The following GRIN3A variants were observed in gnomAD, a reference collection of about 807,000 sequenced individuals.
GRIN3A encodes glutamate ionotropic receptor NMDA type subunit 3A, also known as glutamate receptor ionotropic, NMDA 3A.
GRIN3A carries 47 observed loss-of-function variants against 92.4 expected under a neutral mutation model. That is an observed-to-expected ratio of 0.51 (90% CI 0.40 to 0.65). The LOEUF (loss-of-function observed/expected upper bound fraction) is 0.65, where lower values mean the gene tolerates loss of function less well. Among genes scored for constraint, GRIN3A ranks in the 30% least tolerant of loss-of-function variants. The pLI, the probability that GRIN3A is intolerant of heterozygous loss-of-function variation, is 0.00. For synonymous variants in GRIN3A, 527 were observed against 540.6 expected, an observed-to-expected ratio of 0.97 and a Z score of 0.35; for missense variants, 1,324 against 1,393.1, an observed-to-expected ratio of 0.95 and a Z score of 0.79.
intron 6 of GRIN3A, among the ~76,000 whole-genome samples, chr9:101,590,627 G>A (rs938497674): frequency 1.2e-4 from 18 of 151,942 alleles, no homozygotes; most frequent in Admixed American, 1.3e-4. Context: ...TGATCTGCCC[G>A]CCTCGGCCTC....
intron 8 of GRIN3A, 149 bp from the exon 9 acceptor site, chr9:101,573,662 G>A: frequency 1.5e-6 from 1 of 688,600 alleles, no homozygotes; most frequent in Non-Finnish European, 2.6e-6. Context: ...CTACCTGCTA[G>A]GGTGTCATGG....
rs745931168 is a variant in GRIN3A, at chr9:101,686,712, G to A, written c.1188C>T (p.Val396=). Residue 396 remains valine (V), a synonymous_variant, in exon 2 of 9, where the codon GTC becomes GTT. Coordinates refer to ENST00000361820, the MANE Select transcript of GRIN3A (RefSeq NM_133445.3). The part of the protein sequence containing the change: ...EHYVQDAMEL[V]ARAVATATMI... ...TGGTGGCTGTGGCTACAGCTCTTGC[G>A]ACCAGCTCCATAGCATCTTGTACGT... 8.7e-6 allele frequency: 14 copies of A among 1,614,032 alleles called. No homozygotes were observed. The highest frequency in any genetic ancestry group is 1.6e-4 in the Middle Eastern group (1 of 6,084).
intron 1 of GRIN3A, among the ~76,000 whole-genome samples, chr9:101,709,993 T>C (rs1333213541): frequency 6.6e-6 from 1 of 152,172 alleles, no homozygotes; most frequent in East Asian, 1.9e-4. Context: ...CTACATAAAA[T>C]TGGTCTCTTT....
At position 101,613,511 on chromosome 9, in the gene GRIN3A, G is replaced by C. The variant is rs1301654928; in HGVS notation, c.2631C>G (p.Leu877=). The C allele has an allele frequency of 1.2e-6, 2 of 1,614,176 alleles. No homozygotes were observed. Among genetic ancestry groups the C allele is most frequent in the Non-Finnish European group, 1.7e-6 (2 of 1,180,024 alleles). The change falls in exon 6 of 9, where the codon CTC becomes CTG. Residue 877 remains leucine (L), a synonymous_variant. Coordinates refer to ENST00000361820, the MANE Select transcript of GRIN3A (RefSeq NM_133445.3). ...TGGCGGTCAATGGAGAGTTGGGTGG[G>C]AGGCCAATGCCGTATCCTAGAAGAA... ...PFAIEGYGIG[L]PPNSPLTANI... is the part of the protein sequence containing the mutation.
intron 7 of GRIN3A, 88 bp from the exon 8 acceptor site, chr9:101,577,932 G>T: frequency 1.1e-6 from 1 of 941,106 alleles, no homozygotes; most frequent in Non-Finnish European, 1.7e-6. Context: ...AACAGTATAT[G>T]TAGTCGTTAC....
chr9:101,595,044 C>T (rs1302929070), intron 6 of GRIN3A: 22 of 1,177,068 alleles, frequency 1.9e-5, no homozygotes, highest in East Asian at 1.5e-4. Flanking sequence ...CTCCCGGGGG[C>T]CCTGGTCGAG....
chr9:101,646,765 G>C (rs937400075), intron 3 of GRIN3A, among the ~76,000 whole-genome samples: 1 of 150,528 alleles, frequency 6.6e-6, no homozygotes, highest in Non-Finnish European at 1.5e-5. Flanking sequence ...TATTCTTTTG[G>C]TAGCTACTGC....
intron 2 of GRIN3A, among the ~76,000 whole-genome samples, chr9:101,683,706 T>G (rs1300286726): frequency 1.3e-5 from 2 of 152,162 alleles, no homozygotes; most frequent in East Asian, 3.9e-4. Flanking sequence ...ATATTGTCAC[T>G]GACCCGGTGT....
rs766365541 is a variant in GRIN3A, at chr9:101,573,373, G to A, written c.3149C>T (p.Pro1050Leu). The A allele has an allele frequency of 6.2e-7, 1 of 1,614,020 alleles. No homozygotes were observed. The highest frequency in any genetic ancestry group is 8.5e-7 in the Non-Finnish European group (1 of 1,179,964). Reference sequence around the variant, plus strand: ...CAAGGCAGGGAGCTCTCTTCTCCTTGGAGGGAGGGGGATGTCCTGGTGGAT... The same window carrying A: ...CAAGGCAGGGAGCTCTCTTCTCCTTAGAGGGAGGGGGATGTCCTGGTGGAT... ...IRIHQDIPLP[P>L]RRRELPALRT... The change falls in exon 9 of 9, where the codon CCA becomes CTA. Residue 1050 changes from proline (P) to leucine (L), a missense_variant. Transcript: ENST00000361820.
chr9:101,694,455 C>A (rs1280177119), intron 1 of GRIN3A, among the ~76,000 whole-genome samples: 1 of 152,128 alleles, frequency 6.6e-6, no homozygotes, highest in African/African-American at 2.4e-5. Flanking sequence ...GCTACCTGCA[C>A]CAAGCTTCTA....
chr9:101,726,432 C>A (rs1046464864), intron 1 of GRIN3A, among the ~76,000 whole-genome samples: 4 of 152,130 alleles, frequency 2.6e-5, no homozygotes, highest in South Asian at 4.1e-4. Context: ...ACCCAAACAC[C>A]TTCTGGTGGT....
rs571745646 is a variant in GRIN3A at position 101,617,847 on chromosome 9, T to C, written c.2615-4320A>G. Among the ~76,000 whole-genome samples, 5 of 139,370 alleles carry C rather than the reference T, an allele frequency of 3.6e-5. No individual in the cohort carries two copies. In the South Asian group the frequency reaches 1.3e-3, roughly 35 times the overall value. The allele number at this position is 139,370 out of a possible 152,430, so 91.4% of individuals were successfully genotyped here. A position where few individuals can be genotyped will look rare whatever the true frequency, so the allele number is the denominator to read the frequency against. On this transcript the variant is annotated intron_variant, in intron 5 of 8. Coordinates refer to ENST00000361820, the MANE Select transcript of GRIN3A (RefSeq NM_133445.3). ...AGAGTGTGATGTTCCCCTTCCTGTG[T>C]CCATGTGATCTCATTGTTCAATTCC... is the stretch of plus-strand genomic sequence containing the variant.
At chr9:101,699,025 T>A (rs1165704918) in intron 1 of GRIN3A, among the ~76,000 whole-genome samples, 1 of 152,224 alleles carries the variant, frequency 6.6e-6, no homozygotes, top group Non-Finnish European at 1.5e-5. Flanking sequence ...TTTAGTTTAA[T>A]GTAACTCTAA....
intron 1 of GRIN3A, among the ~76,000 whole-genome samples, chr9:101,691,949 T>C (rs1474526209): frequency 6.6e-6 from 1 of 152,182 alleles, no homozygotes; most frequent in African/African-American, 2.4e-5. Context: ...TCCTAACTTA[T>C]GGATTCATTT....
intron 1 of GRIN3A, among the ~76,000 whole-genome samples, chr9:101,697,089 T>G (rs928896580): frequency 1.3e-5 from 2 of 152,196 alleles, no homozygotes; most frequent in African/African-American, 4.8e-5. Context: ...TTCAAACACT[T>G]TTTATTGATT....
At position 101,570,921 on chromosome 9, in the gene GRIN3A, TC is replaced by T. The variant is rs2118769463; in HGVS notation, c.*2252del. 6.5e-6 allele frequency: 1 copy of T among 152,676 alleles called. No homozygotes were observed. Among genetic ancestry groups the T allele is most frequent in the South Asian group, 2.1e-4 (1 of 4,820 alleles). 9.5% of individuals were successfully genotyped at this position (152,676 alleles called of 1,614,324 possible). A position where few individuals can be genotyped will look rare whatever the true frequency, so the allele number is the denominator to read the frequency against. ...GAATATGAGCTGAGTTACAAAAATG[TC>T]CATGTACATTAGGAGCATGGCTGTA... On this transcript the variant is annotated 3_prime_UTR_variant, in exon 9 of 9. Coordinates refer to ENST00000361820, the MANE Select transcript of GRIN3A (RefSeq NM_133445.3).
At chr9:101,597,397 A>C (rs1218838773) in intron 6 of GRIN3A, among the ~76,000 whole-genome samples, 1 of 152,220 alleles carries the variant, frequency 6.6e-6, no homozygotes, top group Non-Finnish European at 1.5e-5. Flanking sequence ...AATGCTGAGC[A>C]GACAGAACAA....
At chr9:101,705,924 A>G (rs1829811354) in intron 1 of GRIN3A, among the ~76,000 whole-genome samples, 1 of 152,190 alleles carries the variant, frequency 6.6e-6, no homozygotes, top group African/African-American at 2.4e-5. Flanking sequence ...AGAAGCAAAG[A>G]TGAAATTCAA....
At chr9:101,615,386 C>CT (rs547717146) in intron 5 of GRIN3A, among the ~76,000 whole-genome samples, 23,312 of 124,176 alleles carry the variant, frequency 0.19, 2,773 homozygotes, top group Non-Finnish European at 0.25. Context: ...ATTTTTGTTC[C>CT]TTTTTTTTTT....
Sources: allele counts gnomAD v4.1 joint callset (sites outside exome capture counted in the v4.1 genomes callset), GRCh38; gene constraint gnomAD v4.1.1; transcripts MANE v1.5; gene names NCBI Gene and HGNC (gene_info 2026-07-23, HGNC 2026-07-21).